The following FANCC variants were observed in gnomAD, a reference collection of about 807,000 sequenced individuals.
FANCC encodes the protein Fanconi anemia group C protein.
Under a neutral mutation model 71.3 loss-of-function variants are expected in FANCC, and 55 were observed. The ratio of observed to expected loss-of-function variants is 0.77; its 90% CI spans 0.62 to 0.97. FANCC has a LOEUF of 0.97. Ranked by LOEUF, FANCC falls within the 50% of genes least tolerant of loss-of-function variation. FANCC has a pLI of 0.00. For synonymous variants in FANCC, 275 were observed against 244.9 expected, an observed-to-expected ratio of 1.12 and a Z score of -1.15; for missense variants, 678 against 670.9, an observed-to-expected ratio of 1.01 and a Z score of -0.12.
intron 7 of FANCC, among the ~76,000 whole-genome samples, chr9:95,136,971 C>G (rs866363775): frequency 6.6e-6 from 1 of 152,158 alleles, no homozygotes; most frequent in Non-Finnish European, 1.5e-5. Flanking sequence ...CTGCCCTTTA[C>G]CTGCACATCC....
intron 1 of FANCC, among the ~76,000 whole-genome samples, chr9:95,273,441 A>G (rs1832851987): frequency 6.6e-6 from 1 of 152,222 alleles, no homozygotes; most frequent in Non-Finnish European, 1.5e-5. Flanking sequence ...TGAAAAGGCT[A>G]TGACCAAAGA....
chr9:95,160,828 TTGTC>T, intron 6 of FANCC, among the ~76,000 whole-genome samples: 1 of 152,126 alleles, frequency 6.6e-6, no homozygotes, highest in East Asian at 1.9e-4. Context: ...GGCTCTCTGT[TTGTC>T]TGTTATTGGT....
At chr9:95,157,235 G>T (rs1220074426) in intron 6 of FANCC, among the ~76,000 whole-genome samples, 1 of 151,926 alleles carries the variant, frequency 6.6e-6, no homozygotes, top group Non-Finnish European at 1.5e-5. Context: ...AGAAAATATA[G>T]AAATTGATCT....
At chr9:95,233,933 A>C (rs548322288) in intron 4 of FANCC, among the ~76,000 whole-genome samples, 3 of 152,154 alleles carry the variant, frequency 2.0e-5, no homozygotes, top group Non-Finnish European at 4.4e-5. Context: ...TGGGGATTCC[A>C]CCTCACAGAG....
At chr9:95,130,094 T>A (rs928508069) in intron 8 of FANCC, among the ~76,000 whole-genome samples, 1 of 152,182 alleles carries the variant, frequency 6.6e-6, no homozygotes, top group African/African-American at 2.4e-5. Context: ...GGCCAACTTG[T>A]CACTCTGCAC....
chr9:95,264,095 C>G (rs1363797917), intron 1 of FANCC, among the ~76,000 whole-genome samples: 1 of 152,212 alleles, frequency 6.6e-6, no homozygotes, highest in Non-Finnish European at 1.5e-5. Context: ...GTCCTCACAG[C>G]ATAGTTGAGG....
chr9:95,298,828 T>C (rs1834551568), intron 1 of FANCC, among the ~76,000 whole-genome samples: 1 of 152,232 alleles, frequency 6.6e-6, no homozygotes, highest in East Asian at 1.9e-4. Context: ...GGATACCATC[T>C]GTGCAGCCAA....
chr9:95,114,643 T>TTC lies in FANCC; in HGVS notation c.1138_1139dup (p.Asp381LysfsTer33). The TTC allele has an allele frequency of 6.2e-7, 1 of 1,614,090 alleles. No individual in the cohort carries two copies. The highest frequency in any genetic ancestry group is 8.5e-7 in the Non-Finnish European group (1 of 1,179,940). On this transcript the variant is annotated frameshift_variant, in exon 12 of 15. Transcript: ENST00000289081. LOFTEE classifies it high-confidence loss of function. ...TGTTTGCTCACCCATGAGTCTGGTC[T>TTC]TCAACTGCTTCTCTGAGCAGTTCAG...
rs184737481 is a variant in FANCC at position 95,134,083 on chromosome 9, T to C, written c.843+1263A>G. ...ACTTTCAAGTCAGGTGGGATCCGTGTGTGCAGCCTGAGGTACAGGTGAGAG... is the reference window on the plus strand; with the variant it reads ...ACTTTCAAGTCAGGTGGGATCCGTGCGTGCAGCCTGAGGTACAGGTGAGAG... On this transcript the variant is annotated intron_variant, in intron 8 of 14. Transcript: ENST00000289081. 1.0e-3 allele frequency among the ~76,000 whole-genome samples: 152 copies of C among 152,326 alleles called. 2 individuals carry two copies. The highest frequency in any genetic ancestry group is 3.6e-3 in the African/African-American group (149 of 41,572).
At chr9:95,205,313 TA>T (rs1486793795) in intron 4 of FANCC, among the ~76,000 whole-genome samples, 1 of 152,186 alleles carries the variant, frequency 6.6e-6, no homozygotes, top group Admixed American at 6.5e-5. Context: ...AGTATTTTTT[TA>T]CATAGTTCTT....
At chr9:95,214,959 T>C (rs985391289) in intron 4 of FANCC, among the ~76,000 whole-genome samples, 11 of 152,188 alleles carry the variant, frequency 7.2e-5, no homozygotes, top group African/African-American at 2.4e-4. Flanking sequence ...ACCACTGAAC[T>C]ATATACTTAA....
At chr9:95,181,337 G>C (rs1294739232) in intron 4 of FANCC, among the ~76,000 whole-genome samples, 2 of 152,140 alleles carry the variant, frequency 1.3e-5, no homozygotes, top group African/African-American at 2.4e-5. Context: ...TGGTTACGTA[G>C]TTTTCAAACA....
intron 10 of FANCC, among the ~76,000 whole-genome samples, chr9:95,118,985 A>G (rs1183072829): frequency 6.6e-6 from 1 of 152,222 alleles, no homozygotes; most frequent in Non-Finnish European, 1.5e-5. Flanking sequence ...TCGTAAGGCC[A>G]TATGGTTTTC....
chr9:95,219,175 T>C (rs1378673098), intron 4 of FANCC, among the ~76,000 whole-genome samples: 2 of 152,150 alleles, frequency 1.3e-5, no homozygotes. Context: ...CTGTAGTGCA[T>C]GAAAACTGCA....
intron 9 of FANCC, among the ~76,000 whole-genome samples, chr9:95,125,563 C>T (rs1421057962): frequency 1.3e-5 from 2 of 152,172 alleles, no homozygotes; most frequent in Non-Finnish European, 2.9e-5. Context: ...CGTCCATCCA[C>T]CCAGCAAAGT....
chr9:95,253,249 G>A (rs1831462660), intron 1 of FANCC, among the ~76,000 whole-genome samples: 1 of 152,128 alleles, frequency 6.6e-6, no homozygotes. Flanking sequence ...GGTGATGGCT[G>A]CTGCCAGCAT....
intron 6 of FANCC, among the ~76,000 whole-genome samples, chr9:95,169,963 T>C (rs189133849): frequency 6.6e-6 from 1 of 152,374 alleles, no homozygotes; most frequent in East Asian, 1.9e-4. Context: ...GTCATTTCTA[T>C]ATTTTGCATT....
intron 4 of FANCC, among the ~76,000 whole-genome samples, chr9:95,177,717 C>T (rs1323483410): frequency 6.6e-6 from 1 of 152,118 alleles, no homozygotes; most frequent in East Asian, 1.9e-4. Flanking sequence ...CACACTGCCA[C>T]CCAGACACTT....
chr9:95,135,546 C>T (rs1160436979), intron 7 of FANCC, 44 bp from the exon 8 acceptor site: 1 of 1,577,084 alleles, frequency 6.3e-7, no homozygotes, highest in African/African-American at 1.4e-5. Flanking sequence ...AAATGGCTCA[C>T]TGAAAAAAGA....
Sources: gnomAD v4.1 joint callset for allele counts (sites outside exome capture counted in the v4.1 genomes callset) on GRCh38, gnomAD v4.1.1 for gene constraint, MANE v1.5 for transcripts, NCBI Gene and HGNC (gene_info 2026-07-23, HGNC 2026-07-21) for gene names.